CMTR1: variants seen among roughly 807,000 people sequenced by gnomAD.
CMTR1 encodes the protein cap-specific mRNA (nucleoside-2'-O-)-methyltransferase 1.
Under a neutral mutation model 107.0 loss-of-function variants are expected in CMTR1, and 39 were observed. The ratio of observed to expected loss-of-function variants is 0.36; its 90% CI spans 0.28 to 0.48. CMTR1 has a LOEUF of 0.48. Ranked by LOEUF, CMTR1 falls within the 20% of genes least tolerant of loss-of-function variation. The pLI is 0.99. For missense variants in CMTR1, 672 were observed against 1,064.9 expected (o/e 0.63, Z 5.14); for synonymous variants, 366 against 379.5 (o/e 0.96, Z 0.41).
chr6:37,427,149 C>T, the CMTR1 span, among the ~76,000 whole-genome samples: 1 of 152,152 alleles, frequency 6.6e-6, no homozygotes, highest in Non-Finnish European at 1.5e-5. This position sits in a 1 kb window ranked among gnomAD's most constrained non-coding sequence, Gnocchi z 4.4. Context: ...CTGAAATGAA[C>T]TAAAATTAAC....
At chr6:37,451,723 T>C (rs1761175817) in intron 5 of CMTR1, 83 bp from the exon 6 acceptor site, 1 of 1,013,572 alleles carries the variant, frequency 9.9e-7, no homozygotes. Context: ...TTGCTCTACT[T>C]ACTTGGAACC....
rs747875641 is a variant in CMTR1 at position 37,451,926 on chromosome 6, A to G, written c.609+49A>G. On this transcript the variant is annotated intron_variant, in intron 6 of 23. Transcript: ENST00000373451. ...GATAATGAAAACCTTGTGGGAGGTGATTTGCTGGACTTTTCCATTTCTCCT... is the reference window on the plus strand; with the variant it reads ...GATAATGAAAACCTTGTGGGAGGTGGTTTGCTGGACTTTTCCATTTCTCCT... 5 of 1,485,034 alleles carry G rather than the reference A, an allele frequency of 3.4e-6. No homozygotes were observed. In the South Asian group the frequency reaches 4.6e-5, roughly 14 times the overall value. 92.0% of individuals were successfully genotyped at this position (1,485,034 alleles called of 1,614,324 possible).
chr6:37,446,720 C>T (rs1276969625), intron 4 of CMTR1, among the ~76,000 whole-genome samples: 1 of 152,182 alleles, frequency 6.6e-6, no homozygotes, highest in Non-Finnish European at 1.5e-5. Context: ...TCCATAAAAA[C>T]TTTAATAAAT....
chr6:37,467,989 G>A (rs1761540431), intron 13 of CMTR1, among the ~76,000 whole-genome samples: 2 of 148,506 alleles, frequency 1.3e-5, no homozygotes, highest in Non-Finnish European at 3.0e-5. Flanking sequence ...CCCTATCTTG[G>A]TTGTTTGATT....
intron 23 of CMTR1, among the ~76,000 whole-genome samples, 193 bp from the exon 24 acceptor site, chr6:37,479,820 A>AACAGCTG (rs1232630893): frequency 1.3e-5 from 2 of 152,238 alleles, no homozygotes; most frequent in East Asian, 3.8e-4. Context: ...AATTAGCAGC[A>AACAGCTG]ACAGCTGTTT....
Position 37,473,575 on chromosome 6 carries a change from G to A in CMTR1, c.1795G>A (p.Glu599Lys). 2.5e-6 allele frequency: 4 copies of A among 1,614,074 alleles called. No individual in the cohort carries two copies. Among genetic ancestry groups the A allele is most frequent in the Non-Finnish European group, 3.4e-6 (4 of 1,179,978 alleles). Reference sequence around the variant, plus strand: ...CTACCGCTGCATGGTATCTGGCAGTGAGCAGAAGTTCCTCATCGGCCTGGG... The same window carrying A: ...CTACCGCTGCATGGTATCTGGCAGTAAGCAGAAGTTCCTCATCGGCCTGGG... ...FDYRCMVSGSEQKFLIGLGKS... is the reference protein window; with the variant it reads ...FDYRCMVSGSKQKFLIGLGKS... The change falls in exon 17 of 24, where the codon GAG becomes AAG. Residue 599 changes from glutamate to lysine, a missense_variant. By Grantham distance (56) the Glu-to-Lys change is moderately conservative. Around this residue, in one of 2 missense-constraint regions of CMTR1, gnomAD observed 583 missense variants for 968.4 expected, o/e 0.60. Coordinates refer to ENST00000373451, the MANE Select transcript of CMTR1 (RefSeq NM_015050.3).
chr6:37,461,144 T>A (rs116158096), intron 10 of CMTR1, among the ~76,000 whole-genome samples: 172 of 152,344 alleles, frequency 1.1e-3, no homozygotes, highest in African/African-American at 3.9e-3. Context: ...CTGTACTCAC[T>A]CCCTGGTCTT....
intron 3 of CMTR1, among the ~76,000 whole-genome samples, 196 bp downstream of exon 3, chr6:37,444,346 G>A (rs745935843): frequency 1.1e-4 from 16 of 152,184 alleles, no homozygotes; most frequent in Non-Finnish European, 1.8e-4. Context: ...GGCAGCAACT[G>A]CTTAGGCCTG....
intron 13 of CMTR1, among the ~76,000 whole-genome samples, chr6:37,466,835 G>A (rs550475670): frequency 3.9e-5 from 6 of 151,962 alleles, no homozygotes; most frequent in African/African-American, 7.3e-5. Flanking sequence ...CTGCACATAC[G>A]TGTATATATA....
intron 13 of CMTR1, among the ~76,000 whole-genome samples, chr6:37,465,639 G>C (rs1410270621): frequency 6.6e-6 from 1 of 152,124 alleles, no homozygotes; most frequent in Non-Finnish European, 1.5e-5. Flanking sequence ...AGGATTACAG[G>C]CACCCACCAC....
chr6:37,478,768 G>C lies in CMTR1; in HGVS notation c.2266+247G>C, dbSNP rs375534406. Among the ~76,000 whole-genome samples the C allele has an allele frequency of 7.2e-5, 11 of 152,346 alleles. No homozygotes were observed. The South Asian group carries it at 8.3e-4, about 11-fold the overall frequency. On this transcript the variant is annotated intron_variant, in intron 22 of 23. Coordinates refer to ENST00000373451, the MANE Select transcript of CMTR1 (RefSeq NM_015050.3). ...CTCAACTTGTACACACGCACGTGTT[G>C]TTCTCATGGCAGGAAAAGGGCCTTC...
At position 37,478,454 on chromosome 6, in the gene CMTR1, C is replaced by T; in HGVS notation, c.2199C>T (p.Leu733=). ...IIKGSSGTPK[L]SYTGRDDRHF... Reference sequence around the variant, plus strand: ...AGGGCTCCAGTGGCACCCCAAAGCTCAGCTACACAGGGCGTGATGACCGGC... The same window carrying T: ...AGGGCTCCAGTGGCACCCCAAAGCTTAGCTACACAGGGCGTGATGACCGGC... Residue 733 remains leucine, a synonymous_variant, in exon 22 of 24, where the codon CTC becomes CTT. Coordinates refer to ENST00000373451, the MANE Select transcript of CMTR1 (RefSeq NM_015050.3). 6.2e-7 allele frequency: 1 copy of T among 1,614,128 alleles called. No homozygotes were observed. Among genetic ancestry groups the T allele is most frequent in the Non-Finnish European group, 8.5e-7 (1 of 1,179,998 alleles).
intron 13 of CMTR1, among the ~76,000 whole-genome samples, chr6:37,464,319 T>C (rs1761460103): frequency 6.6e-6 from 1 of 151,672 alleles, no homozygotes; most frequent in African/African-American, 2.4e-5. Flanking sequence ...CAAAAAAAAT[T>C]AGCCAGGCGT....
At chr6:37,457,405 T>C (rs1233072317) in intron 8 of CMTR1, among the ~76,000 whole-genome samples, 1 of 152,070 alleles carries the variant, frequency 6.6e-6, no homozygotes, top group Admixed American at 6.5e-5. Context: ...TGTCAGCTTC[T>C]GACTGTGCCC....
In CMTR1 at chr6:37,446,295, A is replaced by G. The variant is rs760688180; in HGVS notation, c.290A>G (p.Lys97Arg). The G allele has an allele frequency of 6.2e-7, 1 of 1,614,088 alleles. No homozygotes were observed. The highest frequency in any genetic ancestry group is 1.1e-5 in the South Asian group (1 of 91,050). The change falls in exon 4 of 24, where the codon AAG becomes AGG. Residue 97 changes from lysine to arginine, a missense_variant. Transcript: ENST00000373451. ...YNSVSQKLMA[K>R]MGFREGEGLG... Reference sequence around the variant, plus strand: ...TCCACTACTTCTCTTTTTCAGGCCAAGATGGGCTTCAGGGAAGGTGAAGGA... The same window carrying G: ...TCCACTACTTCTCTTTTTCAGGCCAGGATGGGCTTCAGGGAAGGTGAAGGA...
At chr6:37,452,029 G>T in intron 6 of CMTR1, 152 bp downstream of exon 6, 1 of 624,210 alleles carries the variant, frequency 1.6e-6, no homozygotes, top group Non-Finnish European at 2.8e-6. Context: ...TCTGCAAATT[G>T]TCTTTTTCCT....
chr6:37,454,107 G>A (rs916217756), intron 8 of CMTR1, among the ~76,000 whole-genome samples: 13 of 152,300 alleles, frequency 8.5e-5, no homozygotes, highest in Middle Eastern at 3.4e-3. Flanking sequence ...TTTCATTCTA[G>A]AATTCCCTTC....
intron 13 of CMTR1, among the ~76,000 whole-genome samples, chr6:37,469,636 A>G (rs1581749539): frequency 7.2e-6 from 1 of 138,252 alleles, no homozygotes; most frequent in African/African-American, 2.7e-5. Context: ...CAAGTGATTC[A>G]CCTGCCTCAG....
chr6:37,451,897 A>C lies in CMTR1; in HGVS notation c.609+20A>C. ...TGTAAGGTAAGGTCTTGTGGCTAGA[A>C]CCAGATAATGAAAACCTTGTGGGAG... On this transcript the variant is annotated intron_variant, in intron 6 of 23. Coordinates refer to ENST00000373451, the MANE Select transcript of CMTR1 (RefSeq NM_015050.3). 1 of 1,602,336 alleles carries C rather than the reference A, an allele frequency of 6.2e-7. No individual in the cohort carries two copies. The highest frequency in any genetic ancestry group is 1.7e-4 in the Middle Eastern group (1 of 6,028).
Sources: gnomAD v4.1 joint callset for allele counts (sites outside exome capture counted in the v4.1 genomes callset) on GRCh38, gnomAD v4.1.1 for gene constraint, gnomAD v4.1.1 regional missense constraint, Gnocchi (gnomAD v3.1) non-coding constraint, MANE v1.5 for transcripts, NCBI Gene and HGNC (gene_info 2026-07-23, HGNC 2026-07-21) for gene names.